Variants in GPR161 observed in about 807,000 individuals in gnomAD.
GPR161 encodes the protein G-protein coupled receptor RE2.
A neutral mutation model predicts 39.2 loss-of-function variants in GPR161; 25 were observed. That is an observed-to-expected ratio of 0.64 (90% CI 0.47 to 0.89). The LOEUF (loss-of-function observed/expected upper bound fraction) is 0.89, where lower values mean the gene tolerates loss of function less well. GPR161 is among the 40% of genes least tolerant of loss of function. The pLI, the probability that GPR161 is intolerant of heterozygous loss-of-function variation, is 0.00. For missense variants in GPR161, 547 were observed against 677.8 expected, an observed-to-expected ratio of 0.81 and a Z score of 2.14; for synonymous variants, 286 against 276.6, an observed-to-expected ratio of 1.03 and a Z score of -0.34.
rs562385059 is a variant in GPR161, at chr1:168,098,502, G to A, written c.375-1270C>T. Among the ~76,000 whole-genome samples, 8 of 152,368 alleles carry A rather than the reference G, an allele frequency of 5.3e-5. No homozygotes were observed. The highest frequency in any genetic ancestry group is 4.1e-4 in the South Asian group (2 of 4,824). The stretch of plus-strand genomic sequence containing the variant: ...CCACACTGATGCCGCCTGGCAGGAC[G>A]TTGGGAAATGACTCTGGCTATGTGC... On this transcript the variant is annotated intron_variant, in intron 2 of 5. Coordinates refer to ENST00000682931, the MANE Select transcript of GPR161 (RefSeq NM_001375883.1). This position sits in a 1 kb window ranked among gnomAD's most constrained non-coding sequence, Gnocchi z 4.1.
chr1:168,124,825 T>G lies in GPR161; in HGVS notation c.-45+11914A>C, dbSNP rs149901078. ...TTGCTCTATGAGCTCATGCAAAGTG[T>G]GGTACTCCTCCCATTGCTCTCCCTC... On this transcript the variant is annotated intron_variant, in intron 1 of 5. Transcript: ENST00000682931. Among the ~76,000 whole-genome samples, 123 of 152,296 alleles carry G rather than the reference T, an allele frequency of 8.1e-4. 1 individual carries two copies. In the East Asian group the frequency reaches 0.019, roughly 24 times the overall value.
intron 4 of GPR161, among the ~76,000 whole-genome samples, chr1:168,089,836 G>A (rs1222830618): frequency 6.6e-6 from 1 of 152,222 alleles, no homozygotes; most frequent in Non-Finnish European, 1.5e-5. Flanking sequence ...CACCTCCCCG[G>A]TGCCATGACT....
intron 1 of GPR161, among the ~76,000 whole-genome samples, chr1:168,120,237 G>T (rs1698054753): frequency 6.6e-6 from 1 of 152,214 alleles, no homozygotes; most frequent in Admixed American, 6.5e-5. Flanking sequence ...GCATGCCCTG[G>T]ATGTGAGACA....
chr1:168,096,985 A>G lies in GPR161; in HGVS notation c.622T>C (p.Tyr208His), dbSNP rs1205852636. The G allele has an allele frequency of 6.2e-7, 1 of 1,614,198 alleles. No individual in the cohort carries two copies. Among genetic ancestry groups the G allele is most frequent in the South Asian group, 1.1e-5 (1 of 91,090 alleles). Reference protein sequence around the residue: ...LFPFLVMLVCYGFIFRVARVK... With the variant: ...LFPFLVMLVCHGFIFRVARVK... Reference sequence around the variant, plus strand: ...CTGGCCACGCGGAAGATGAAGCCATAGCACACCAGCATGACCAGAAAGGGG... The same window carrying G: ...CTGGCCACGCGGAAGATGAAGCCATGGCACACCAGCATGACCAGAAAGGGG... The change falls in exon 3 of 6, where the codon TAT becomes CAT. Residue 208 changes from tyrosine to histidine, a missense_variant. Tyr to His is a moderately conservative substitution (Grantham distance 83). Transcript: ENST00000682931.
intron 3 of GPR161, among the ~76,000 whole-genome samples, chr1:168,092,107 G>C (rs1695121613): frequency 6.6e-6 from 1 of 152,202 alleles, no homozygotes; most frequent in Non-Finnish European, 1.5e-5. Context: ...TGGGAATCCT[G>C]CTTTTGCAAG....
intron 1 of GPR161, among the ~76,000 whole-genome samples, chr1:168,127,645 T>A (rs1299525780): frequency 1.3e-5 from 2 of 152,146 alleles, no homozygotes; most frequent in African/African-American, 4.8e-5. Flanking sequence ...GCAAGTCACA[T>A]CTTACATGGA....
chr1:168,133,180 T>C (rs1260234661), intron 1 of GPR161, among the ~76,000 whole-genome samples: 1 of 152,252 alleles, frequency 6.6e-6, no homozygotes, highest in Non-Finnish European at 1.5e-5. Context: ...TGTTGCCTTT[T>C]ATAACTTTTG....
At position 168,085,053 on chromosome 1, in the gene GPR161, G is replaced by A. The variant is rs1437735951; in HGVS notation, c.*478C>T. ...CATGTAGAGGCACCAGGACGGTCGC[G>A]TGTCATTAGGAAGAAGTGCTGTGTC... On this transcript the variant is annotated 3_prime_UTR_variant, in exon 6 of 6. Transcript: ENST00000682931. 9 of 456,384 alleles carry A rather than the reference G, an allele frequency of 2.0e-5. No homozygotes were observed. The East Asian group carries it at 4.9e-4, about 25-fold the overall frequency. The allele number at this position is 456,384 out of a possible 1,614,324, so 28.3% of individuals were successfully genotyped here.
rs1271512755 is a variant in GPR161 at position 168,098,783 on chromosome 1, A to G, written c.375-1551T>C. Reference sequence around the variant, plus strand: ...AGGGTGTCTATTACAGAATCACTGCACAGTGGCTGGGTAAGGTGATTACTG... The same window carrying G: ...AGGGTGTCTATTACAGAATCACTGCGCAGTGGCTGGGTAAGGTGATTACTG... On this transcript the variant is annotated intron_variant, in intron 2 of 5. Transcript: ENST00000682931. This position sits in a 1 kb window ranked among gnomAD's most constrained non-coding sequence, Gnocchi z 4.1. 6.6e-6 allele frequency among the ~76,000 whole-genome samples: 1 copy of G among 152,242 alleles called. No individual in the cohort carries two copies. The highest frequency in any genetic ancestry group is 1.5e-5 in the Non-Finnish European group (1 of 68,040).
intron 4 of GPR161, 179 bp downstream of exon 4, chr1:168,090,385 G>A (rs771203846): frequency 6.9e-5 from 36 of 518,842 alleles, no homozygotes; most frequent in Non-Finnish European, 1.1e-4. Flanking sequence ...CTGAGACACA[G>A]GAAAGCTGAA....
chr1:168,094,453 T>G (rs2102129159), intron 3 of GPR161, among the ~76,000 whole-genome samples: 1 of 152,250 alleles, frequency 6.6e-6, no homozygotes, highest in South Asian at 2.1e-4. Flanking sequence ...AGAGAAATGT[T>G]TTCTCCTATG....
chr1:168,127,719 G>A (rs911284443), intron 1 of GPR161, among the ~76,000 whole-genome samples: 10 of 152,126 alleles, frequency 6.6e-5, no homozygotes, highest in African/African-American at 2.4e-4. Flanking sequence ...TGCACTATGA[G>A]AACAGCACAA....
intron 2 of GPR161, among the ~76,000 whole-genome samples, chr1:168,102,258 C>G (rs79341464): frequency 2.0e-5 from 3 of 152,250 alleles, no homozygotes; most frequent in African/African-American, 7.2e-5. Context: ...TACCTGCTAT[C>G]CTACTTGCTG....
chr1:168,105,306 G>A (rs967928894), intron 1 of GPR161, among the ~76,000 whole-genome samples: 3 of 152,122 alleles, frequency 2.0e-5, no homozygotes, highest in Admixed American at 6.5e-5. Flanking sequence ...AGGGGGCAGG[G>A]GGCTGTTACA....
rs1694213688 is a variant in GPR161, at chr1:168,083,463, G to C, written c.*2068C>G. On this transcript the variant is annotated 3_prime_UTR_variant, in exon 6 of 6. Transcript: ENST00000682931. Reference sequence around the variant, plus strand: ...ACTCAAGAATGCCTACACCTAACCAGCAACCCATCCTAGAGATAAAGGTCT... The same window carrying C: ...ACTCAAGAATGCCTACACCTAACCACCAACCCATCCTAGAGATAAAGGTCT... The C allele has an allele frequency of 6.6e-6, 1 of 152,208 alleles. No individual in the cohort carries two copies. Among genetic ancestry groups the C allele is most frequent in the Non-Finnish European group, 1.5e-5 (1 of 68,120 alleles). The allele number at this position is 152,208 out of a possible 1,614,324, so 9.4% of individuals were successfully genotyped here.
Position 168,097,143 on chromosome 1 carries a change from G to A in GPR161, c.464C>T (p.Ser155Leu), listed in dbSNP as rs1304231001. 7 of 1,614,098 alleles carry A rather than the reference G, an allele frequency of 4.3e-6. No individual in the cohort carries two copies. Among genetic ancestry groups the A allele is most frequent in the Admixed American group, 3.3e-5 (2 of 60,024 alleles). The change falls in exon 3 of 6, where the codon TCG becomes TTG. Residue 155 changes from serine (S) to leucine (L), a missense_variant. Ser to Leu is a moderately radical substitution (Grantham distance 145). Coordinates refer to ENST00000682931, the MANE Select transcript of GPR161 (RefSeq NM_001375883.1). Reference sequence around the variant, plus strand: ...CAGGGGTGGCAGGCAGCCGATGAGCGAGTGAAGCCAGATGTAGACAAGTGC... The same window carrying A: ...CAGGGGTGGCAGGCAGCCGATGAGCAAGTGAAGCCAGATGTAGACAAGTGC... The part of the protein sequence containing the change: ...VMALVYIWLH[S>L]LIGCLPPLFG...
At chr1:168,092,667 A>G (rs1355063454) in intron 3 of GPR161, among the ~76,000 whole-genome samples, 1 of 152,134 alleles carries the variant, frequency 6.6e-6, no homozygotes, top group East Asian at 1.9e-4. Context: ...TGTGATTCTG[A>G]GATAAATTTG....
chr1:168,096,236 C>T (rs909033892), intron 3 of GPR161, among the ~76,000 whole-genome samples: 7 of 151,732 alleles, frequency 4.6e-5, no homozygotes, highest in South Asian at 2.1e-4. Context: ...ATTTCTGGAC[C>T]GTGGTGTCCC....
intron 1 of GPR161, among the ~76,000 whole-genome samples, chr1:168,118,947 T>C (rs747731059): frequency 1.3e-5 from 2 of 151,402 alleles, no homozygotes; most frequent in African/African-American, 2.4e-5. Context: ...AAGCAAATGG[T>C]GAGGATGCAA....
Sources: allele counts gnomAD v4.1 joint callset (sites outside exome capture counted in the v4.1 genomes callset), GRCh38; gene constraint gnomAD v4.1.1; non-coding constraint Gnocchi (gnomAD v3.1); transcripts MANE v1.5; gene names NCBI Gene and HGNC (gene_info 2026-07-23, HGNC 2026-07-21).